The following SH3GL2 variants were observed in gnomAD, a reference collection of about 807,000 sequenced individuals.
SH3GL2 encodes the protein endophilin-A1.
SH3GL2 carries 24 observed loss-of-function variants against 46.0 expected under a neutral mutation model. The observed-to-expected ratio is 0.52, with a 90% CI of 0.38 to 0.73. The LOEUF (loss-of-function observed/expected upper bound fraction) is 0.73. Ranked by LOEUF, SH3GL2 falls within the 30% of genes least tolerant of loss-of-function variation. The pLI is 0.00. For synonymous variants in SH3GL2, 196 were observed against 147.1 expected, an observed-to-expected ratio of 1.33 and a Z score of -2.40; for missense variants, 413 against 424.2, an observed-to-expected ratio of 0.97 and a Z score of 0.23.
intron 1 of SH3GL2, among the ~76,000 whole-genome samples, chr9:17,585,782 T>C (rs992654075): frequency 3.9e-5 from 6 of 152,190 alleles, no homozygotes; most frequent in African/African-American, 7.2e-5. Flanking sequence ...GCCAACCTTA[T>C]CAAACTTGTG....
At chr9:17,661,155 C>T (rs1166919174) in intron 1 of SH3GL2, among the ~76,000 whole-genome samples, 1 of 152,098 alleles carries the variant, frequency 6.6e-6, no homozygotes, top group Non-Finnish European at 1.5e-5. Context: ...GAGTAAGACT[C>T]CGTCTCAAAA....
At chr9:17,736,997 A>G (rs1362829092) in intron 1 of SH3GL2, among the ~76,000 whole-genome samples, 1 of 152,152 alleles carries the variant, frequency 6.6e-6, no homozygotes, top group African/African-American at 2.4e-5. Flanking sequence ...TGTGGCACAT[A>G]TACACCATGG....
At chr9:17,628,931 C>T (rs887743900) in intron 1 of SH3GL2, among the ~76,000 whole-genome samples, 2 of 151,876 alleles carry the variant, frequency 1.3e-5, no homozygotes. Flanking sequence ...ATAATACCAA[C>T]TGTTTATAAA....
At chr9:17,704,446 G>A (rs10429594) in intron 1 of SH3GL2, among the ~76,000 whole-genome samples, 34,497 of 151,582 alleles carry the variant, frequency 0.23, 4,599 homozygotes, top group Admixed American at 0.34. Flanking sequence ...AAAAATATTA[G>A]AACTCCTATG....
At chr9:17,682,761 G>C (rs1820805811) in intron 1 of SH3GL2, among the ~76,000 whole-genome samples, 1 of 151,702 alleles carries the variant, frequency 6.6e-6, no homozygotes, top group Non-Finnish European at 1.5e-5. Context: ...ATTAAGTTTG[G>C]ATAAATTCTA....
intron 1 of SH3GL2, among the ~76,000 whole-genome samples, chr9:17,658,688 G>A (rs1820146251): frequency 6.6e-6 from 1 of 152,178 alleles, no homozygotes; most frequent in African/African-American, 2.4e-5. Flanking sequence ...GTATTTATTG[G>A]GAGGAGAGCT....
chr9:17,746,372 G>T (rs533537963), intron 1 of SH3GL2, among the ~76,000 whole-genome samples: 1 of 152,136 alleles, frequency 6.6e-6, no homozygotes, highest in Non-Finnish European at 1.5e-5. Context: ...CACTGCGCCC[G>T]GCCCTAATTT....
chr9:17,618,951 C>G (rs529040338), intron 1 of SH3GL2, among the ~76,000 whole-genome samples: 1 of 151,878 alleles, frequency 6.6e-6, no homozygotes, highest in Non-Finnish European at 1.5e-5. Context: ...CTTTTAGTAA[C>G]GTTTATTGAT....
intron 1 of SH3GL2, among the ~76,000 whole-genome samples, chr9:17,710,387 A>G (rs775425400): frequency 2.6e-5 from 4 of 151,986 alleles, no homozygotes; most frequent in Admixed American, 6.6e-5. Flanking sequence ...GAACGGACTA[A>G]TACAGGGACC....
chr9:17,627,799 T>C (rs1426650522), intron 1 of SH3GL2, among the ~76,000 whole-genome samples: 1 of 152,198 alleles, frequency 6.6e-6, no homozygotes, highest in Non-Finnish European at 1.5e-5. Flanking sequence ...AAAAGACAGC[T>C]GGCATCCAGA....
intron 1 of SH3GL2, among the ~76,000 whole-genome samples, chr9:17,594,362 CA>C (rs2134552148): frequency 6.6e-6 from 1 of 152,174 alleles, no homozygotes; most frequent in East Asian, 1.9e-4. Context: ...GATTAATCAC[CA>C]CTTTATCAGC....
intron 1 of SH3GL2, among the ~76,000 whole-genome samples, chr9:17,664,770 C>T (rs576149935): frequency 4.6e-5 from 7 of 151,338 alleles, no homozygotes; most frequent in Non-Finnish European, 1.0e-4. Flanking sequence ...ATTTTTCAGC[C>T]ACTTTCATGT....
chr9:17,774,843 A>C lies in SH3GL2; in HGVS notation c.188-11538A>C, dbSNP rs377575377. 2.4e-4 allele frequency among the ~76,000 whole-genome samples: 37 copies of C among 152,228 alleles called. 1 individual carries two copies. In the South Asian group the frequency reaches 7.5e-3, roughly 31 times the overall value. On this transcript the variant is annotated intron_variant, in intron 3 of 8. Transcript: ENST00000380607. ...TTTTCCTTCTTCAATTTTTTGGAAA[A>C]GTTTGAGGAGAGTTGGTGTTAGTTC...
At chr9:17,732,648 G>A (rs1189181738) in intron 1 of SH3GL2, among the ~76,000 whole-genome samples, 2 of 152,102 alleles carry the variant, frequency 1.3e-5, no homozygotes, top group South Asian at 2.1e-4. Flanking sequence ...CATGGGGAAT[G>A]GTATAATTGG....
chr9:17,644,444 C>A (rs187683285), intron 1 of SH3GL2, among the ~76,000 whole-genome samples: 1 of 152,018 alleles, frequency 6.6e-6, no homozygotes, highest in Admixed American at 6.6e-5. Context: ...AGATCTTTCC[C>A]TCTTTCTCCC....
At chr9:17,591,300 C>T (rs1018388787) in intron 1 of SH3GL2, 1 of 151,732 alleles carries the variant, frequency 6.6e-6, no homozygotes, top group Non-Finnish European at 1.5e-5. Context: ...ACTGGCTTGC[C>T]CTTTATAATA....
chr9:17,640,635 C>T (rs996900913), intron 1 of SH3GL2, among the ~76,000 whole-genome samples: 6 of 152,214 alleles, frequency 3.9e-5, no homozygotes, highest in African/African-American at 1.4e-4. Context: ...ATGTAGCAGA[C>T]AGCATATGCC....
chr9:17,654,804 T>G (rs1820035324), intron 1 of SH3GL2, among the ~76,000 whole-genome samples: 1 of 152,158 alleles, frequency 6.6e-6, no homozygotes, highest in East Asian at 1.9e-4. Context: ...AAAGGTGCTA[T>G]AGGATCAAAA....
chr9:17,761,622 A>G, intron 3 of SH3GL2, 113 bp downstream of exon 3: 3 of 798,392 alleles, frequency 3.8e-6, no homozygotes, highest in Middle Eastern at 2.3e-4. Flanking sequence ...TCCTCGGTCC[A>G]CTTTTCTGAG....
Sources: gnomAD v4.1 joint callset for allele counts (sites outside exome capture counted in the v4.1 genomes callset) on GRCh38, gnomAD v4.1.1 for gene constraint, MANE v1.5 for transcripts, NCBI Gene and HGNC (gene_info 2026-07-23, HGNC 2026-07-21) for gene names.